CYRIB: variants seen among roughly 807,000 people sequenced by gnomAD.
CYRIB encodes CYFIP-related Rac1 interactor B.
CYRIB carries 8 observed loss-of-function variants against 44.2 expected under a neutral mutation model. That is an observed-to-expected ratio of 0.18 (90% confidence interval 0.11 to 0.33). The LOEUF is 0.33. CYRIB is among the 10% of genes least tolerant of loss of function. The pLI is 1.00. For missense variants in CYRIB, 185 were observed against 382.8 expected, an observed-to-expected ratio of 0.48 and a Z score of 4.31; for synonymous variants, 131 against 127.2, an observed-to-expected ratio of 1.03 and a Z score of -0.20.
intron 5 of CYRIB, among the ~76,000 whole-genome samples, chr8:129,859,991 A>G (rs1051202775): frequency 1.7e-4 from 26 of 152,186 alleles, no homozygotes; most frequent in African/African-American, 6.0e-4. Flanking sequence ...GCCCTGTCCC[A>G]TTGTAAGTAT....
intron 2 of CYRIB, among the ~76,000 whole-genome samples, chr8:129,959,084 A>AG (rs2095078590): frequency 2.1e-5 from 3 of 143,376 alleles, no homozygotes; most frequent in South Asian, 4.5e-4. Context: ...AAAAAAAAAA[A>AG]CAAAGGCAGG....
chr8:129,946,840 A>C (rs894943818), intron 2 of CYRIB, among the ~76,000 whole-genome samples: 2 of 152,206 alleles, frequency 1.3e-5, no homozygotes, highest in South Asian at 2.1e-4. Context: ...CCACTGCATC[A>C]CATTGGCTGT....
At chr8:129,890,238 T>C (rs951630114) in intron 2 of CYRIB, among the ~76,000 whole-genome samples, 3 of 152,334 alleles carry the variant, frequency 2.0e-5, no homozygotes, top group Admixed American at 1.3e-4. Context: ...CAGTATCATA[T>C]GCTACAGAGA....
intron 4 of CYRIB, among the ~76,000 whole-genome samples, chr8:129,866,367 T>A (rs764558778): frequency 6.6e-6 from 1 of 152,228 alleles, no homozygotes; most frequent in Non-Finnish European, 1.5e-5. Flanking sequence ...TTAATTTAAA[T>A]ACTGGTTTCT....
chr8:129,842,636 T>C lies in CYRIB; in HGVS notation c.912-431A>G, dbSNP rs767131862. 5.3e-5 allele frequency among the ~76,000 whole-genome samples: 8 copies of C among 152,190 alleles called. No homozygotes were observed. The East Asian group carries it at 7.7e-4, about 15-fold the overall frequency. ...GGGCAAAGGAAGACAAAAAAAGAAA[T>C]AGTAATATTTCATGTGTTATTGTGG... On this transcript the variant is annotated intron_variant, in intron 11 of 11. Transcript: ENST00000519824.
At chr8:129,909,974 G>C (rs1337497773) in intron 1 of CYRIB, among the ~76,000 whole-genome samples, 2 of 152,232 alleles carry the variant, frequency 1.3e-5, no homozygotes, top group Non-Finnish European at 2.9e-5. Flanking sequence ...GACTGGAGTG[G>C]TGGGCAAGTT....
At chr8:129,907,107 C>A (rs570463103) in intron 1 of CYRIB, among the ~76,000 whole-genome samples, 4 of 152,260 alleles carry the variant, frequency 2.6e-5, no homozygotes, top group African/African-American at 9.6e-5. Context: ...TGGGTATATA[C>A]CCAAAGGATT....
At chr8:129,978,279 T>G (rs934636344) in intron 1 of CYRIB, among the ~76,000 whole-genome samples, 2 of 152,232 alleles carry the variant, frequency 1.3e-5, no homozygotes, top group Non-Finnish European at 2.9e-5. Context: ...ACCTGAATAA[T>G]AAAACTTCTC....
intron 1 of CYRIB, among the ~76,000 whole-genome samples, chr8:130,015,076 G>A (rs2097310724): frequency 6.6e-6 from 1 of 152,130 alleles, no homozygotes; most frequent in South Asian, 2.1e-4. Context: ...TTTTTCACAA[G>A]GGAGTCAGTA....
At chr8:129,884,938 C>T (rs534224405) in intron 2 of CYRIB, among the ~76,000 whole-genome samples, 55 of 152,210 alleles carry the variant, frequency 3.6e-4, no homozygotes, top group East Asian at 9.6e-4. Flanking sequence ...CCTTCCTGGC[C>T]GGTAGTCTGT....
At chr8:129,916,914 G>T (rs1326299916) in intron 1 of CYRIB, among the ~76,000 whole-genome samples, 1 of 152,166 alleles carries the variant, frequency 6.6e-6, no homozygotes. Context: ...ATACCAGTTT[G>T]AATCCTAGTT....
At chr8:130,006,865 C>G (rs1463843844) in intron 1 of CYRIB, among the ~76,000 whole-genome samples, 2 of 151,020 alleles carry the variant, frequency 1.3e-5, no homozygotes, top group Non-Finnish European at 2.9e-5. Flanking sequence ...CTTATTTGCT[C>G]AAGTCTACAT....
In CYRIB at chr8:130,011,461, C is replaced by T. The variant is rs1028376135; in HGVS notation, c.-296+4909G>A. Among the ~76,000 whole-genome samples, 11 of 151,686 alleles carry T rather than the reference C, an allele frequency of 7.3e-5. No individual in the cohort carries two copies. In the East Asian group the frequency reaches 1.6e-3, roughly 21 times the overall value. On this transcript the variant is annotated intron_variant, in intron 1 of 14. Coordinates refer to the CYRIB transcript ENST00000401979. ...GCTTGAACCCGGGAGGCAGAGGTTG[C>T]GGTGAGCTGAGATCATGCCATTGCA...
intron 2 of CYRIB, among the ~76,000 whole-genome samples, chr8:129,962,597 C>T (rs2095311716): frequency 6.7e-6 from 1 of 149,082 alleles, no homozygotes; most frequent in African/African-American, 2.4e-5. Flanking sequence ...TCATATGTCT[C>T]CCCTGTCTCC....
intron 11 of CYRIB, among the ~76,000 whole-genome samples, chr8:129,843,062 C>T (rs1003937883): frequency 6.6e-6 from 1 of 152,184 alleles, no homozygotes; most frequent in Admixed American, 6.5e-5. Context: ...TAAAAATCCA[C>T]TAAGCAAGCT....
intron 5 of CYRIB, among the ~76,000 whole-genome samples, chr8:129,861,895 G>A (rs1012900942): frequency 2.0e-5 from 3 of 152,108 alleles, no homozygotes; most frequent in African/African-American, 7.2e-5. Context: ...GCTACAGTAA[G>A]TCCTTTTCCC....
chr8:130,010,332 C>A (rs1254076430), intron 1 of CYRIB, among the ~76,000 whole-genome samples: 1 of 152,176 alleles, frequency 6.6e-6, no homozygotes, highest in Non-Finnish European at 1.5e-5. Flanking sequence ...CAGAGGGTGG[C>A]ACTGTGGAGC....
At chr8:129,974,155 G>T (rs936075028) in intron 1 of CYRIB, among the ~76,000 whole-genome samples, 1 of 152,162 alleles carries the variant, frequency 6.6e-6, no homozygotes, top group Non-Finnish European at 1.5e-5. Context: ...CACTCTGTAG[G>T]AGACTCTGCC....
intron 1 of CYRIB, among the ~76,000 whole-genome samples, chr8:129,989,848 T>C (rs986637538): frequency 3.3e-4 from 44 of 133,588 alleles, no homozygotes; most frequent in African/African-American, 1.1e-3. Context: ...CTTGTGTCCA[T>C]GTGTTCTCAG....
Sources: allele counts gnomAD v4.1 joint callset (sites outside exome capture counted in the v4.1 genomes callset), GRCh38; gene constraint gnomAD v4.1.1; transcripts MANE v1.5; gene names NCBI Gene and HGNC (gene_info 2026-07-23, HGNC 2026-07-21).